ZNF521: variants seen among roughly 807,000 people sequenced by gnomAD.
ZNF521 encodes the protein zinc finger protein 521.
Under a neutral mutation model 105.5 loss-of-function variants are expected in ZNF521, and 14 were observed. That is an observed-to-expected ratio of 0.13 (90% confidence interval 0.09 to 0.21). The LOEUF is 0.21. Ranked by LOEUF, ZNF521 falls within the 10% of genes least tolerant of loss-of-function variation. ZNF521 has a pLI of 1.00. For synonymous variants in ZNF521, 635 were observed against 606.0 expected (o/e 1.05, Z -0.70); for missense variants, 1,233 against 1,629.7 (o/e 0.76, Z 4.19).
intron 5 of ZNF521, among the ~76,000 whole-genome samples, chr18:25,148,197 G>T (rs2034981389): frequency 6.6e-6 from 1 of 152,168 alleles, no homozygotes; most frequent in Admixed American, 6.5e-5. Flanking sequence ...TGAATCCTGG[G>T]ATTAAACACT....
At chr18:25,338,665 G>T (rs1914035443) in intron 2 of ZNF521, among the ~76,000 whole-genome samples, 2 of 152,104 alleles carry the variant, frequency 1.3e-5, no homozygotes, top group South Asian at 4.1e-4. Flanking sequence ...CCCCGCCTCA[G>T]TCTCCCAAAA....
chr18:25,188,440 G>C (rs928152811), intron 5 of ZNF521, among the ~76,000 whole-genome samples: 12 of 152,182 alleles, frequency 7.9e-5, no homozygotes, highest in African/African-American at 2.7e-4. Context: ...TGATGTGTGT[G>C]AACGGATTCT....
At chr18:25,279,301 A>G (rs1600249440) in intron 3 of ZNF521, among the ~76,000 whole-genome samples, 1 of 152,236 alleles carries the variant, frequency 6.6e-6, no homozygotes, top group Non-Finnish European at 1.5e-5. Flanking sequence ...GATCTAATGC[A>G]TTTCAACATA....
At chr18:25,336,645 C>T (rs1166185672) in intron 2 of ZNF521, among the ~76,000 whole-genome samples, 1 of 152,140 alleles carries the variant, frequency 6.6e-6, no homozygotes, top group African/African-American at 2.4e-5. Context: ...ATGCATTGGC[C>T]AGGGTGAAGG....
At chr18:25,347,376 T>C (rs73944219) in intron 2 of ZNF521, among the ~76,000 whole-genome samples, 3,302 of 152,334 alleles carry the variant, frequency 0.022, 121 homozygotes, top group African/African-American at 0.074. Context: ...TTGTCAACTT[T>C]GTATGTGGGC....
intron 5 of ZNF521, among the ~76,000 whole-genome samples, chr18:25,170,168 C>T (rs1350052457): frequency 6.6e-6 from 1 of 151,774 alleles, no homozygotes; most frequent in Non-Finnish European, 1.5e-5. Flanking sequence ...AGCACAACCA[C>T]CAAAGGCGGC....
intron 4 of ZNF521, among the ~76,000 whole-genome samples, chr18:25,209,713 C>A (rs2036145212): frequency 1.3e-5 from 2 of 152,172 alleles, no homozygotes; most frequent in Non-Finnish European, 2.9e-5. Flanking sequence ...TGTTAACTCC[C>A]TTGCAATCCA....
chr18:25,330,772 A>G (rs1272147758), intron 2 of ZNF521, among the ~76,000 whole-genome samples: 2 of 152,212 alleles, frequency 1.3e-5, no homozygotes, highest in Non-Finnish European at 2.9e-5. Context: ...TTTTAATAAC[A>G]TAAAACCCCA....
chr18:25,241,609 A>G (rs1907339046), intron 3 of ZNF521, among the ~76,000 whole-genome samples: 2 of 152,204 alleles, frequency 1.3e-5, no homozygotes, highest in Non-Finnish European at 2.9e-5. Context: ...AAACCAAACC[A>G]TAAAACTCTT....
At chr18:25,152,490 AG>A (rs2035067605) in intron 5 of ZNF521, among the ~76,000 whole-genome samples, 3 of 150,380 alleles carry the variant, frequency 2.0e-5, no homozygotes, top group South Asian at 2.1e-4. Flanking sequence ...AAAAAAAAAA[AG>A]AAAAAAAAAA....
In ZNF521 at chr18:25,089,639, G is replaced by A. The variant is rs549383365; in HGVS notation, c.3791-59C>T. 4.5e-5 allele frequency: 63 copies of A among 1,391,326 alleles called. No homozygotes were observed. In the African/African-American group the frequency reaches 5.8e-4, roughly 13 times the overall value. 86.2% of individuals were successfully genotyped at this position (1,391,326 alleles called of 1,614,324 possible). A position where few individuals can be genotyped will look rare whatever the true frequency, so the allele number is the denominator to read the frequency against. ...TTTTGTTTCCGAAATGCCCTCAGTC[G>A]ATGACTCTGCATGAACAGACAGCAG... On this transcript the variant is annotated intron_variant, in intron 6 of 7. Coordinates refer to ENST00000361524, the MANE Select transcript of ZNF521 (RefSeq NM_015461.3).
chr18:25,063,675 C>T (rs1197676813), intron 7 of ZNF521, among the ~76,000 whole-genome samples: 1 of 152,130 alleles, frequency 6.6e-6, no homozygotes, highest in African/African-American at 2.4e-5. Flanking sequence ...AAGAGATAAC[C>T]TGGTTCGCCA....
intron 3 of ZNF521, among the ~76,000 whole-genome samples, chr18:25,261,031 A>C (rs986513726): frequency 4.6e-5 from 7 of 152,176 alleles, no homozygotes; most frequent in Non-Finnish European, 1.0e-4. Flanking sequence ...TTTGCCTGTC[A>C]CTTTCCAGGC....
At chr18:25,066,456 A>T (rs1008947734) in intron 7 of ZNF521, among the ~76,000 whole-genome samples, 6 of 152,194 alleles carry the variant, frequency 3.9e-5, no homozygotes, top group Non-Finnish European at 8.8e-5. Flanking sequence ...TATCTGAGCC[A>T]TGGTTTATTC....
chr18:25,267,221 C>G lies in ZNF521; in HGVS notation c.221-39524G>C, dbSNP rs1223822373. 2.0e-5 allele frequency among the ~76,000 whole-genome samples: 3 copies of G among 152,212 alleles called. 1 individual carries two copies. The highest frequency in any genetic ancestry group is 7.2e-5 in the African/African-American group (3 of 41,458). ...CAAGGCCTCTGCGGCCAGACTGCCT[C>G]TCTAGATTCCTCCTCTCTGGGCAGG... On this transcript the variant is annotated intron_variant, in intron 3 of 7. Transcript: ENST00000361524.
At position 25,350,892 on chromosome 18, in the gene ZNF521, G is replaced by C; in HGVS notation, c.40+15C>G. The C allele has an allele frequency of 1.3e-6, 2 of 1,549,168 alleles. No homozygotes were observed. The highest frequency in any genetic ancestry group is 3.9e-5 in the Admixed American group (2 of 50,952). ...GCGGATGGGGGAAAGCGGGGAGCAG[G>C]GGGTTCCTCCTTACCTTTGAGGGAT... On this transcript the variant is annotated intron_variant, in intron 2 of 7. Coordinates refer to ENST00000361524, the MANE Select transcript of ZNF521 (RefSeq NM_015461.3).
intron 3 of ZNF521, among the ~76,000 whole-genome samples, chr18:25,238,388 C>T (rs990422244): frequency 6.6e-6 from 1 of 152,280 alleles, no homozygotes; most frequent in African/African-American, 2.4e-5. Context: ...TCATGACAGC[C>T]AATTTCTTAA....
chr18:25,178,078 C>T (rs1428237966), intron 5 of ZNF521, among the ~76,000 whole-genome samples: 1 of 152,098 alleles, frequency 6.6e-6, no homozygotes, highest in African/African-American at 2.4e-5. Context: ...AGGAACTCTG[C>T]TAAAAAAACT....
At chr18:25,186,061 A>C (rs1218688999) in intron 5 of ZNF521, among the ~76,000 whole-genome samples, 2 of 152,164 alleles carry the variant, frequency 1.3e-5, no homozygotes, top group Non-Finnish European at 2.9e-5. Context: ...AAAAGAGAGA[A>C]CGACTGATTT....
Sources: allele counts gnomAD v4.1 joint callset (sites outside exome capture counted in the v4.1 genomes callset), GRCh38; gene constraint gnomAD v4.1.1; transcripts MANE v1.5; gene names NCBI Gene and HGNC (gene_info 2026-07-23, HGNC 2026-07-21).